The following PDE8B variants were observed in gnomAD, a reference collection of about 807,000 sequenced individuals.
The protein encoded by PDE8B is high affinity cAMP-specific and IBMX-insensitive 3',5'-cyclic phosphodiesterase 8B.
A neutral mutation model predicts 101.3 loss-of-function variants in PDE8B; 26 were observed. The ratio of observed to expected loss-of-function variants is 0.26; its 90% confidence interval spans 0.19 to 0.36. The LOEUF (loss-of-function observed/expected upper bound fraction) is 0.36, where lower values mean the gene tolerates loss of function less well. Among genes scored for constraint, PDE8B ranks in the 10% least tolerant of loss-of-function variants. The probability of loss-of-function intolerance (pLI) is 1.00; values close to 1 mark genes in which losing one functional copy is unlikely to be tolerated. For synonymous variants in PDE8B, 424 were observed against 429.3 expected (o/e 0.99, Z 0.15); for missense variants, 810 against 1,163.1 (o/e 0.70, Z 4.42).
chr5:77,362,896 G>A lies in PDE8B; in HGVS notation c.1167+9490G>A, dbSNP rs376277645. Among the ~76,000 whole-genome samples the A allele has an allele frequency of 7.2e-5, 11 of 152,166 alleles. No individual in the cohort carries two copies. In the East Asian group the frequency reaches 1.4e-3, roughly 19 times the overall value. ...CCCGGCCACCTCTCTCCTCCTCCCC[G>A]CTGTGGAGTGGATTTGGCACTGACC... On this transcript the variant is annotated intron_variant, in intron 10 of 21. Coordinates refer to ENST00000264917, the MANE Select transcript of PDE8B (RefSeq NM_003719.5).
chr5:77,225,171 A>G (rs1389009898), intron 1 of PDE8B, among the ~76,000 whole-genome samples: 3 of 152,138 alleles, frequency 2.0e-5, no homozygotes, highest in African/African-American at 7.2e-5. Context: ...CCTCCATCCA[A>G]TAGTTGGTTA....
At chr5:77,166,226 T>TAAAAAAAAAAAAAA in the PDE8B span, among the ~76,000 whole-genome samples, 3 of 116,368 alleles carry the variant, frequency 2.6e-5, no homozygotes, top group Non-Finnish European at 3.5e-5. Context: ...TCGGTAAAGA[T>TAAAAAAAAAAAAAA]AAAAAAAAAA....
chr5:77,395,921 A>G (rs1032323129), intron 10 of PDE8B, among the ~76,000 whole-genome samples: 7 of 152,042 alleles, frequency 4.6e-5, no homozygotes, highest in South Asian at 4.1e-4. Flanking sequence ...CTCAGGGTAA[A>G]CAGATCTGAC....
intron 10 of PDE8B, among the ~76,000 whole-genome samples, chr5:77,380,367 A>C (rs564921597): frequency 6.6e-5 from 10 of 152,226 alleles, no homozygotes; most frequent in Non-Finnish European, 1.3e-4. Context: ...TCAGAAGCTC[A>C]AGGAACCAAG....
At chr5:77,416,913 G>A (rs1057383281) in intron 17 of PDE8B, among the ~76,000 whole-genome samples, 1 of 152,134 alleles carries the variant, frequency 6.6e-6, no homozygotes, top group African/African-American at 2.4e-5. Context: ...CAGCCACAGT[G>A]ATGTCGCTTA....
At chr5:77,255,889 G>A (rs1169997725) in intron 1 of PDE8B, among the ~76,000 whole-genome samples, 2 of 152,198 alleles carry the variant, frequency 1.3e-5, no homozygotes, top group East Asian at 3.8e-4. Context: ...TGTGGTTTGG[G>A]TGGACTCTGG....
chr5:77,319,271 C>T (rs567568711), intron 2 of PDE8B, among the ~76,000 whole-genome samples: 1 of 152,216 alleles, frequency 6.6e-6, no homozygotes, highest in Non-Finnish European at 1.5e-5. Flanking sequence ...GCTCTTCAGT[C>T]CACAAATCAC....
At chr5:77,383,425 C>G (rs1581384025) in intron 10 of PDE8B, among the ~76,000 whole-genome samples, 2 of 152,312 alleles carry the variant, frequency 1.3e-5, no homozygotes, top group East Asian at 3.9e-4. Context: ...TGTGCAGAAG[C>G]TCTTTAATTA....
intron 10 of PDE8B, among the ~76,000 whole-genome samples, chr5:77,390,284 GT>G (rs1412439544): frequency 1.3e-5 from 2 of 152,168 alleles, no homozygotes; most frequent in Non-Finnish European, 2.9e-5. Flanking sequence ...AGCAAAATTT[GT>G]GGCAACTTAT....
intron 20 of PDE8B, among the ~76,000 whole-genome samples, chr5:77,425,247 G>A (rs1284348575): frequency 6.6e-6 from 1 of 152,192 alleles, no homozygotes; most frequent in South Asian, 2.1e-4. Context: ...TGTGTCAGGA[G>A]ATGCTATGGT....
At chr5:77,297,220 A>T (rs1199671556) in intron 1 of PDE8B, among the ~76,000 whole-genome samples, 1 of 152,228 alleles carries the variant, frequency 6.6e-6, no homozygotes, top group African/African-American at 2.4e-5. Flanking sequence ...CTGAGGGCAG[A>T]GCCCCATGAC....
upstream of PDE8B, among the ~76,000 whole-genome samples, chr5:77,209,048 TG>T (rs948395375): frequency 8.5e-5 from 13 of 152,306 alleles, no homozygotes; most frequent in Admixed American, 2.6e-4. Flanking sequence ...TCCCTCTGCC[TG>T]CTAAACACCA....
At chr5:77,318,555 GT>G (rs1337815866) in intron 2 of PDE8B, among the ~76,000 whole-genome samples, 1 of 152,132 alleles carries the variant, frequency 6.6e-6, no homozygotes, top group Non-Finnish European at 1.5e-5. Flanking sequence ...ACTCCAAAGA[GT>G]TTCTCTAACG....
intron 5 of PDE8B, among the ~76,000 whole-genome samples, chr5:77,332,422 A>G (rs1777310695): frequency 6.6e-6 from 1 of 152,210 alleles, no homozygotes; most frequent in Non-Finnish European, 1.5e-5. Flanking sequence ...GGCTTAAACT[A>G]TAAACATCAT....
chr5:77,192,520 C>A, the PDE8B span, among the ~76,000 whole-genome samples: 2 of 152,218 alleles, frequency 1.3e-5, no homozygotes, highest in African/African-American at 4.8e-5. Context: ...CACTTTTCAT[C>A]TTTGAGTAGA....
chr5:77,333,964 A>G (rs1351840929), intron 5 of PDE8B, among the ~76,000 whole-genome samples: 1 of 152,234 alleles, frequency 6.6e-6, no homozygotes, highest in Admixed American at 6.5e-5. Flanking sequence ...TTTGCCCATT[A>G]GGTCAGGGTG....
At chr5:77,424,978 T>C (rs748237020) in intron 20 of PDE8B, among the ~76,000 whole-genome samples, 19 of 152,168 alleles carry the variant, frequency 1.2e-4, no homozygotes, top group Non-Finnish European at 2.8e-4. Flanking sequence ...GCATGAGCCA[T>C]TGGGCTTGGC....
Position 77,240,346 on chromosome 5 carries a change from G to C in PDE8B, c.339+29082G>C, listed in dbSNP as rs1000718306. Among the ~76,000 whole-genome samples, 3 of 152,046 alleles carry C rather than the reference G, an allele frequency of 2.0e-5. No homozygotes were observed. The South Asian group carries it at 6.2e-4, about 32-fold the overall frequency. ...TTTTTTGTATTTTTAGTAGAGACGG[G>C]GTTTCACCGTGTTAGCCAGGATGGT... On this transcript the variant is annotated intron_variant, in intron 1 of 21. Coordinates refer to ENST00000264917, the MANE Select transcript of PDE8B (RefSeq NM_003719.5).
At chr5:77,222,946 A>C (rs1224149088) in intron 1 of PDE8B, among the ~76,000 whole-genome samples, 1 of 152,188 alleles carries the variant, frequency 6.6e-6, no homozygotes, top group Non-Finnish European at 1.5e-5. Flanking sequence ...AGTCTGGTGG[A>C]GTTGATGGCT....
Sources: allele counts gnomAD v4.1 joint callset (sites outside exome capture counted in the v4.1 genomes callset), GRCh38; gene constraint gnomAD v4.1.1; transcripts MANE v1.5; gene names NCBI Gene and HGNC (gene_info 2026-07-23, HGNC 2026-07-21).